Variants in RNGTT observed in about 807,000 individuals in gnomAD.
RNGTT encodes the protein RNA guanylyltransferase and 5'-phosphatase.
In RNGTT, 33 loss-of-function variants were observed where a neutral mutation model predicts 79.3. The ratio of observed to expected loss-of-function variants is 0.42; its 90% CI spans 0.32 to 0.56. The LOEUF is 0.56. Among genes scored for constraint, RNGTT ranks in the 20% least tolerant of loss-of-function variants. RNGTT has a pLI of 0.17. For missense variants in RNGTT, 497 were observed against 739.1 expected, an observed-to-expected ratio of 0.67 and a Z score of 3.80; for synonymous variants, 222 against 235.9, an observed-to-expected ratio of 0.94 and a Z score of 0.54.
intron 12 of RNGTT, among the ~76,000 whole-genome samples, chr6:88,783,903 CT>C (rs925322368): frequency 4.0e-5 from 6 of 151,536 alleles, no homozygotes; most frequent in African/African-American, 9.7e-5. Context: ...TGCATTCATT[CT>C]TTTTTTTTAA....
chr6:88,810,178 A>G (rs978153580), intron 11 of RNGTT, among the ~76,000 whole-genome samples: 5 of 152,228 alleles, frequency 3.3e-5, no homozygotes, highest in African/African-American at 1.2e-4. Context: ...AATCTCAGAT[A>G]TAAAAAATAG....
At chr6:88,729,927 G>A (rs572758136) in intron 13 of RNGTT, among the ~76,000 whole-genome samples, 19 of 152,224 alleles carry the variant, frequency 1.2e-4, no homozygotes, top group South Asian at 4.2e-4. Flanking sequence ...TCCTTCCCTC[G>A]CAGCTGTAAT....
At position 88,953,624 on chromosome 6, in the gene RNGTT, AC is replaced by A. The variant is rs150697371; in HGVS notation, c.64+9721del. Among the ~76,000 whole-genome samples, 4 of 152,328 alleles carry A rather than the reference AC, an allele frequency of 2.6e-5. No individual in the cohort carries two copies. In the East Asian group the frequency reaches 7.7e-4, roughly 29 times the overall value. On this transcript the variant is annotated intron_variant, in intron 1 of 15. Coordinates refer to ENST00000369485, the MANE Select transcript of RNGTT (RefSeq NM_003800.5). ...TCCAAATACAAGAAGTTCAAAGAAC[AC>A]CTAGGAAATTCATCACAAAAAGATC...
intron 8 of RNGTT, among the ~76,000 whole-genome samples, chr6:88,858,706 T>A (rs936109204): frequency 6.6e-6 from 1 of 152,206 alleles, no homozygotes; most frequent in Non-Finnish European, 1.5e-5. Context: ...AACGCTGATA[T>A]TAAAATTTAG....
At chr6:88,644,436 G>A (rs1474711028) in intron 14 of RNGTT, among the ~76,000 whole-genome samples, 2 of 151,992 alleles carry the variant, frequency 1.3e-5, no homozygotes, top group African/African-American at 2.4e-5. Context: ...AGGAGGAGCT[G>A]GTACCATTCC....
At chr6:88,771,350 T>TATATATATATATAC (rs376503141) in intron 12 of RNGTT, among the ~76,000 whole-genome samples, 9 of 116,248 alleles carry the variant, frequency 7.7e-5, no homozygotes, top group African/African-American at 2.3e-4. Flanking sequence ...TATATATATA[T>TATATATATATATAC]ACACACACAC....
intron 13 of RNGTT, among the ~76,000 whole-genome samples, chr6:88,729,986 G>A (rs1051370077): frequency 1.3e-5 from 2 of 152,124 alleles, no homozygotes; most frequent in African/African-American, 4.8e-5. Flanking sequence ...GCATCTGTGG[G>A]TTGGTGCAGA....
intron 1 of RNGTT, among the ~76,000 whole-genome samples, chr6:88,943,796 G>C (rs931362480): frequency 1.3e-5 from 2 of 152,088 alleles, no homozygotes; most frequent in Admixed American, 1.3e-4. Context: ...AGCCCACAGT[G>C]GATCAACATA....
intron 8 of RNGTT, among the ~76,000 whole-genome samples, chr6:88,878,199 G>A (rs751844910): frequency 1.8e-4 from 28 of 151,842 alleles, no homozygotes; most frequent in Non-Finnish European, 3.5e-4. Flanking sequence ...GGGTCCAAAC[G>A]TTTCTCGTGT....
intron 12 of RNGTT, among the ~76,000 whole-genome samples, chr6:88,771,315 G>GTGTGTATATATA (rs1303688973): frequency 2.3e-3 from 141 of 61,992 alleles, no homozygotes; most frequent in African/African-American, 2.5e-3. Flanking sequence ...GTGTGTGTGT[G>GTGTGTATATATA]TATATATATA....
chr6:88,640,949 T>C (rs1459766395), intron 14 of RNGTT, among the ~76,000 whole-genome samples: 1 of 152,192 alleles, frequency 6.6e-6, no homozygotes, highest in East Asian at 1.9e-4. Flanking sequence ...GTTATTTTCA[T>C]ACCTAATAAT....
In RNGTT at chr6:88,649,303, G is replaced by A. The variant is rs1234679279; in HGVS notation, c.1506+29050C>T. Among the ~76,000 whole-genome samples the A allele has an allele frequency of 2.6e-5, 4 of 152,152 alleles. No homozygotes were observed. In the East Asian group the frequency reaches 5.8e-4, roughly 22 times the overall value. On this transcript the variant is annotated intron_variant, in intron 14 of 15. Transcript: ENST00000369485. ...GAAGTGGGTGTTAGGTAAAATAAGGGTATGATGGGAGGGGAAAACATGATG... is the reference window on the plus strand; with the variant it reads ...GAAGTGGGTGTTAGGTAAAATAAGGATATGATGGGAGGGGAAAACATGATG...
At chr6:88,925,103 A>G (rs1324056505) in intron 4 of RNGTT, among the ~76,000 whole-genome samples, 1 of 152,130 alleles carries the variant, frequency 6.6e-6, no homozygotes, top group Admixed American at 6.5e-5. Context: ...TACAGATTTC[A>G]ACTTTAAAGC....
At chr6:88,765,528 C>A (rs1778431020) in intron 13 of RNGTT, among the ~76,000 whole-genome samples, 1 of 152,072 alleles carries the variant, frequency 6.6e-6, no homozygotes, top group South Asian at 2.1e-4. Flanking sequence ...TCTATAAAGG[C>A]AGACTTATAT....
At position 88,849,746 on chromosome 6, in the gene RNGTT, G is replaced by T; in HGVS notation, c.1104+9C>A. The T allele has an allele frequency of 2.0e-6, 3 of 1,510,584 alleles. No individual in the cohort carries two copies. Among genetic ancestry groups the T allele is most frequent in the South Asian group, 2.7e-5 (2 of 75,016 alleles). 93.6% of individuals were successfully genotyped at this position (1,510,584 alleles called of 1,614,324 possible). ...AATAACTTGTATTTTATAAATTATA[G>T]GTACTTACATTGAATTTAATTATGT... On this transcript the variant is annotated intron_variant, in intron 10 of 15. Coordinates refer to ENST00000369485, the MANE Select transcript of RNGTT (RefSeq NM_003800.5).
intron 13 of RNGTT, among the ~76,000 whole-genome samples, chr6:88,691,494 C>T (rs1775480753): frequency 6.6e-6 from 1 of 152,136 alleles, no homozygotes; most frequent in Admixed American, 6.6e-5. Context: ...ACAGCAAACA[C>T]TAATTTTACA....
chr6:88,781,846 T>C (rs939179410), intron 12 of RNGTT, among the ~76,000 whole-genome samples: 3 of 152,126 alleles, frequency 2.0e-5, no homozygotes, highest in African/African-American at 7.3e-5. Context: ...GAATCATCTT[T>C]GATGCGATCT....
chr6:88,790,862 G>A (rs1321401621), intron 12 of RNGTT, among the ~76,000 whole-genome samples: 2 of 152,112 alleles, frequency 1.3e-5, no homozygotes, highest in African/African-American at 4.8e-5. Flanking sequence ...TTTAGAACTT[G>A]CTCTTAATAG....
chr6:88,817,350 C>A (rs1229699781), intron 11 of RNGTT, among the ~76,000 whole-genome samples: 1 of 151,592 alleles, frequency 6.6e-6, no homozygotes, highest in African/African-American at 2.4e-5. Flanking sequence ...GTCATCCTAC[C>A]CAAAATGTGG....
Sources: gnomAD v4.1 joint callset for allele counts (sites outside exome capture counted in the v4.1 genomes callset) on GRCh38, gnomAD v4.1.1 for gene constraint, MANE v1.5 for transcripts, NCBI Gene and HGNC (gene_info 2026-07-23, HGNC 2026-07-21) for gene names.